Variants in INPP5K observed in about 807,000 individuals in gnomAD.
The protein encoded by INPP5K is inositol polyphosphate 5-phosphatase K.
INPP5K carries 35 observed loss-of-function variants against 53.5 expected under a neutral mutation model. The observed-to-expected ratio is 0.65, with a 90% CI of 0.50 to 0.87. The LOEUF (loss-of-function observed/expected upper bound fraction) is 0.87, where lower values mean the gene tolerates loss of function less well. Ranked by LOEUF, INPP5K falls within the 40% of genes least tolerant of loss-of-function variation. The pLI, the probability that INPP5K is intolerant of heterozygous loss-of-function variation, is 0.00. For missense variants in INPP5K, 550 were observed against 586.2 expected, an observed-to-expected ratio of 0.94 and a Z score of 0.64; for synonymous variants, 253 against 232.8, an observed-to-expected ratio of 1.09 and a Z score of -0.79.
chr17:1,500,648 G>GCCA (rs1395424425), intron 7 of INPP5K, among the ~76,000 whole-genome samples: 2 of 152,134 alleles, frequency 1.3e-5, no homozygotes, highest in Non-Finnish European at 2.9e-5. Context: ...ACAGGCGTGA[G>GCCA]CCACCGCGCC....
chr17:1,511,872 G>A (rs1434963173), intron 3 of INPP5K, among the ~76,000 whole-genome samples: 28 of 152,138 alleles, frequency 1.8e-4, no homozygotes, highest in African/African-American at 5.5e-4. Context: ...AAGTGGGGGC[G>A]GGGAGGGTGG....
At chr17:1,514,090 A>G in intron 1 of INPP5K, 111 bp from the exon 2 acceptor site, 5 of 564,726 alleles carry the variant, frequency 8.9e-6, no homozygotes, top group Non-Finnish European at 1.5e-5. Context: ...TGGGCGGCCG[A>G]GGTGGGCGGA....
chr17:1,516,527 C>G lies in INPP5K; in HGVS notation c.-28G>C. ...CCGCCGTCGTCCCCGCGCGGTGGTC[C>G]GGCAGGTTCGCGTCTCCCGGCCAGC... On this transcript the variant is annotated 5_prime_UTR_variant, in exon 1 of 12. Transcript: ENST00000421807. 6.4e-7 allele frequency: 1 copy of G among 1,551,174 alleles called. No individual in the cohort carries two copies. The highest frequency in any genetic ancestry group is 1.8e-5 in the Admixed American group (1 of 54,168).
chr17:1,505,455 C>T (rs1313525091), intron 7 of INPP5K, among the ~76,000 whole-genome samples: 1 of 152,112 alleles, frequency 6.6e-6, no homozygotes, highest in African/African-American at 2.4e-5. Flanking sequence ...GGCAGTCTCC[C>T]TGCAGCTGTT....
chr17:1,502,246 G>A (rs1245926546), intron 7 of INPP5K, among the ~76,000 whole-genome samples: 1 of 152,184 alleles, frequency 6.6e-6, no homozygotes, highest in Non-Finnish European at 1.5e-5. Flanking sequence ...CTACTCAGGA[G>A]GCTGAGGCAA....
intron 1 of INPP5K, 68 bp from the exon 2 acceptor site, chr17:1,514,047 C>T (rs567582667): frequency 2.0e-4 from 210 of 1,068,852 alleles, no homozygotes; most frequent in East Asian, 6.4e-4. Context: ...GTCGGCTGGG[C>T]GCAGAGGCTC....
At chr17:1,507,884 A>G (rs1013898033) in intron 6 of INPP5K, among the ~76,000 whole-genome samples, 1 of 151,990 alleles carries the variant, frequency 6.6e-6, no homozygotes, top group African/African-American at 2.4e-5. Flanking sequence ...CATGCTTTGT[A>G]TCTGACTCTC....
rs2074894483 is a variant in INPP5K, at chr17:1,497,760, G to C, written c.963+176C>G. The stretch of plus-strand genomic sequence containing the variant: ...TTTGAACACGGTTTTGACAGACAGA[G>C]CCATCAACGGCTCCTAAGAGGAGCT... On this transcript the variant is annotated intron_variant, in intron 8 of 11. Coordinates refer to ENST00000421807, the MANE Select transcript of INPP5K (RefSeq NM_016532.4). 5 of 603,320 alleles carry C rather than the reference G, an allele frequency of 8.3e-6. No homozygotes were observed. The South Asian group carries it at 1.1e-4, about 13-fold the overall frequency. The allele number at this position is 603,320 out of a possible 1,614,324, so 37.4% of individuals were successfully genotyped here. A position where few individuals can be genotyped will look rare whatever the true frequency, so the allele number is the denominator to read the frequency against.
At chr17:1,511,455 G>A (rs1163589882) in intron 3 of INPP5K, among the ~76,000 whole-genome samples, 1 of 152,186 alleles carries the variant, frequency 6.6e-6, no homozygotes, top group Admixed American at 6.5e-5. Flanking sequence ...GGAGGCCAAG[G>A]AGGAAATCCC....
intron 7 of INPP5K, among the ~76,000 whole-genome samples, chr17:1,501,858 AACAC>A (rs144743570): frequency 6.8e-6 from 1 of 147,818 alleles, no homozygotes; most frequent in Non-Finnish European, 1.5e-5. Flanking sequence ...CTCTACTAAA[AACAC>A]ACACACACAC....
chr17:1,502,115 C>G (rs1396661808), intron 7 of INPP5K, among the ~76,000 whole-genome samples: 12 of 150,862 alleles, frequency 8.0e-5, no homozygotes, highest in Admixed American at 6.6e-4. Context: ...TTTGGGAGGC[C>G]AAGGCGGGCA....
At chr17:1,500,354 T>C (rs1182833699) in intron 7 of INPP5K, among the ~76,000 whole-genome samples, 1 of 151,794 alleles carries the variant, frequency 6.6e-6, no homozygotes, top group East Asian at 1.9e-4. Context: ...GACATTAGCT[T>C]TTTGCTTCCA....
chr17:1,497,972 G>A lies in INPP5K; in HGVS notation c.927C>T (p.Ser309=), dbSNP rs61733759. ...ACGTGCCGGAGACAGGCTTGTGGTC[G>A]CTGATGCCGTACGTCATGTGGCTGC... The part of the protein sequence containing the change: ...GYSSHMTYGI[S]DHKPVSGTFD... Residue 309 remains serine (S), a synonymous_variant, in exon 8 of 12, where the codon AGC becomes AGT. Transcript: ENST00000421807. 2.4e-3 allele frequency: 3,923 copies of A among 1,614,012 alleles called. 80 individuals are homozygous for A. The African/African-American group carries it at 0.043, about 18-fold the overall frequency.
chr17:1,509,368 C>A lies in INPP5K; in HGVS notation c.379-15G>T, dbSNP rs772736835. ...CCTTTGTTCCCCTGGTAGAACAGGT[C>A]AACAGAAGAGTGGGAAGCTACTCGG... is the stretch of plus-strand genomic sequence containing the variant. On this transcript the variant is annotated splice_polypyrimidine_tract_variant and intron_variant, in intron 4 of 11. Coordinates refer to ENST00000421807, the MANE Select transcript of INPP5K (RefSeq NM_016532.4). 6.2e-7 allele frequency: 1 copy of A among 1,608,026 alleles called. No homozygotes were observed. The highest frequency in any genetic ancestry group is 1.1e-5 in the South Asian group (1 of 90,342).
intron 1 of INPP5K, among the ~76,000 whole-genome samples, chr17:1,514,341 A>T (rs890426229): frequency 2.0e-5 from 3 of 150,378 alleles, no homozygotes; most frequent in Admixed American, 6.6e-5. Context: ...AAAAAAAAAG[A>T]TAGTGCACGG....
chr17:1,514,823 G>A (rs1014847807), intron 1 of INPP5K, among the ~76,000 whole-genome samples: 1 of 151,792 alleles, frequency 6.6e-6, no homozygotes, highest in Middle Eastern at 3.4e-3. Context: ...AAATAAAAGA[G>A]ATAACACCAC....
chr17:1,513,165 G>A (rs2075347831), intron 3 of INPP5K, among the ~76,000 whole-genome samples: 1 of 152,136 alleles, frequency 6.6e-6, no homozygotes, highest in South Asian at 2.1e-4. Context: ...TGGGGCAGCG[G>A]CCAGCACTGA....
At position 1,513,435 on chromosome 17, in the gene INPP5K, A is replaced by C. The variant is rs1415311471; in HGVS notation, c.261+18T>G. 1 of 1,597,822 alleles carries C rather than the reference A, an allele frequency of 6.3e-7. No individual in the cohort carries two copies. The highest frequency in any genetic ancestry group is 8.6e-7 in the Non-Finnish European group (1 of 1,165,078). On this transcript the variant is annotated intron_variant, in intron 3 of 11. Transcript: ENST00000421807. ...TGTGAAAACACAGTTGTCAAGTGCC[A>C]ATGAACTGGCAAGTTACCTTGATGA... is the stretch of plus-strand genomic sequence containing the variant.
intron 3 of INPP5K, among the ~76,000 whole-genome samples, chr17:1,511,963 T>C (rs1399396186): frequency 1.3e-5 from 2 of 151,898 alleles, no homozygotes; most frequent in African/African-American, 4.8e-5. Flanking sequence ...AAGTTCTAGT[T>C]GGAGGAAATG....
Sources: gnomAD v4.1 joint callset for allele counts (sites outside exome capture counted in the v4.1 genomes callset) on GRCh38, gnomAD v4.1.1 for gene constraint, MANE v1.5 for transcripts, NCBI Gene and HGNC (gene_info 2026-07-23, HGNC 2026-07-21) for gene names.